The following PIP5K1B variants were observed in gnomAD, a reference collection of about 807,000 sequenced individuals.
PIP5K1B encodes the protein phosphatidylinositol 4-phosphate 5-kinase type-1 beta.
PIP5K1B carries 42 observed loss-of-function variants against 67.0 expected under a neutral mutation model. That is an observed-to-expected ratio of 0.63 (90% CI 0.49 to 0.81). PIP5K1B has a LOEUF of 0.81. PIP5K1B is among the 30% of genes least tolerant of loss of function. The pLI is 0.00. For synonymous variants in PIP5K1B, 214 were observed against 231.4 expected (o/e 0.92, Z 0.68); for missense variants, 459 against 646.3 (o/e 0.71, Z 3.14).
In PIP5K1B at chr9:68,919,723, T is replaced by C; in HGVS notation, c.1110T>C (p.Tyr370=). The stretch of plus-strand genomic sequence containing the variant: ...AACATTCCTGGAAAGCTCTTGTTTA[T>C]GATGGGGTAAGTGACTTATTTTCCT... ...KLEHSWKALV[Y]DGDTVSVHRP... Residue 370 remains tyrosine (Y), a synonymous_variant, in exon 11 of 16, where the codon TAT becomes TAC. Transcript: ENST00000265382. The C allele has an allele frequency of 1.3e-6, 2 of 1,542,166 alleles. No individual in the cohort carries two copies. The highest frequency in any genetic ancestry group is 1.8e-6 in the Non-Finnish European group (2 of 1,116,042).
Position 68,894,625 on chromosome 9 carries a change from A to G in PIP5K1B, c.758A>G (p.Gln253Arg), listed in dbSNP as rs767936882. ...ETYNALMKTL[Q>R]RDCRVLESFK... ...TACAACGCGCTTATGAAAACACTTC[A>G]GAGAGACTGCCGGGTAAGGAAGTTT... Residue 253 changes from glutamine (Q) to arginine (R), a missense_variant, in exon 8 of 16, where the codon CAG becomes CGG. Transcript: ENST00000265382. The G allele has an allele frequency of 6.2e-7, 1 of 1,613,790 alleles. No individual in the cohort carries two copies. Among genetic ancestry groups the G allele is most frequent in the South Asian group, 1.1e-5 (1 of 91,068 alleles).
chr9:69,005,204 C>A (rs1831023311), intron 15 of PIP5K1B, among the ~76,000 whole-genome samples: 1 of 151,466 alleles, frequency 6.6e-6, no homozygotes, highest in Non-Finnish European at 1.5e-5. Flanking sequence ...ATTTTTAATA[C>A]TGAGGAGAGT....
At chr9:68,748,900 C>G (rs984602488) in intron 2 of PIP5K1B, among the ~76,000 whole-genome samples, 4 of 152,100 alleles carry the variant, frequency 2.6e-5, no homozygotes, top group Non-Finnish European at 5.9e-5. Flanking sequence ...GCGTGACCCA[C>G]CGCACTCGGC....
At chr9:68,837,886 TAATG>T (rs1342237575) in intron 4 of PIP5K1B, among the ~76,000 whole-genome samples, 3 of 151,972 alleles carry the variant, frequency 2.0e-5, no homozygotes, top group African/African-American at 7.2e-5. Flanking sequence ...TATATTAAAT[TAATG>T]AATTCAGAAA....
At chr9:68,975,354 C>T (rs952826186) in intron 14 of PIP5K1B, among the ~76,000 whole-genome samples, 1 of 152,234 alleles carries the variant, frequency 6.6e-6, no homozygotes, top group Non-Finnish European at 1.5e-5. Context: ...CAGGCATGAG[C>T]CACTGCACCC....
chr9:69,001,008 G>C (rs1024904215), intron 15 of PIP5K1B, among the ~76,000 whole-genome samples: 3 of 151,524 alleles, frequency 2.0e-5, no homozygotes, highest in Non-Finnish European at 4.4e-5. Context: ...AGTGATTCTC[G>C]TGCCTCAGTC....
At chr9:68,847,245 A>G (rs1281004598) in intron 4 of PIP5K1B, among the ~76,000 whole-genome samples, 1 of 151,640 alleles carries the variant, frequency 6.6e-6, no homozygotes, top group Non-Finnish European at 1.5e-5. Flanking sequence ...GTGGGATGAA[A>G]AAGAAAGGTT....
chr9:68,776,754 TA>T (rs1425432364), intron 2 of PIP5K1B, among the ~76,000 whole-genome samples: 1 of 152,196 alleles, frequency 6.6e-6, no homozygotes, highest in Non-Finnish European at 1.5e-5. Flanking sequence ...GAATCTTGAC[TA>T]AGTGTGGTAT....
chr9:68,714,182 C>T (rs912370561), intron 1 of PIP5K1B, among the ~76,000 whole-genome samples: 2 of 152,154 alleles, frequency 1.3e-5, no homozygotes, highest in African/African-American at 4.8e-5. Context: ...CTTGGATATC[C>T]CAAAGGCACC....
chr9:68,836,628 C>CAT (rs751222777), intron 4 of PIP5K1B, among the ~76,000 whole-genome samples: 1 of 151,380 alleles, frequency 6.6e-6, no homozygotes, highest in Non-Finnish European at 1.5e-5. Flanking sequence ...CATACATCTA[C>CAT]ACACACACAC....
intron 15 of PIP5K1B, among the ~76,000 whole-genome samples, chr9:68,993,225 C>G (rs1413562355): frequency 2.6e-5 from 4 of 152,128 alleles, no homozygotes; most frequent in Admixed American, 2.6e-4. Flanking sequence ...CGACCTGCCC[C>G]CTCCCTGGGT....
chr9:68,975,052 T>C (rs1475267410), intron 14 of PIP5K1B, among the ~76,000 whole-genome samples: 1 of 152,196 alleles, frequency 6.6e-6, no homozygotes, highest in East Asian at 1.9e-4. Context: ...GCCTTGCTTT[T>C]TGTTCTGGGT....
chr9:68,982,830 G>A (rs940008225), intron 14 of PIP5K1B, among the ~76,000 whole-genome samples: 1 of 151,874 alleles, frequency 6.6e-6, no homozygotes, highest in Non-Finnish European at 1.5e-5. Flanking sequence ...GTAGACTATG[G>A]ATGCATTTAT....
chr9:68,930,395 T>C (rs944054824), intron 12 of PIP5K1B, among the ~76,000 whole-genome samples: 1 of 152,102 alleles, frequency 6.6e-6, no homozygotes, highest in Non-Finnish European at 1.5e-5. Flanking sequence ...CCACGTCTTA[T>C]GGAAGACCAC....
chr9:68,849,337 A>G (rs1376664543), intron 4 of PIP5K1B, among the ~76,000 whole-genome samples: 3 of 152,164 alleles, frequency 2.0e-5, no homozygotes, highest in African/African-American at 7.2e-5. Flanking sequence ...TGGGGGAAAA[A>G]AAAGCAAGCT....
intron 12 of PIP5K1B, among the ~76,000 whole-genome samples, chr9:68,930,407 A>G (rs1350160058): frequency 6.6e-6 from 1 of 152,004 alleles, no homozygotes; most frequent in African/African-American, 2.4e-5. Context: ...GAAGACCACC[A>G]CAATCCACCC....
intron 14 of PIP5K1B, among the ~76,000 whole-genome samples, chr9:68,984,048 CT>C (rs1231247147): frequency 6.6e-6 from 1 of 152,192 alleles, no homozygotes; most frequent in Non-Finnish European, 1.5e-5. Context: ...GAGCAATACC[CT>C]GTCTCTAAAA....
chr9:68,836,829 T>G (rs1021078809), intron 4 of PIP5K1B, among the ~76,000 whole-genome samples: 2 of 152,204 alleles, frequency 1.3e-5, no homozygotes, highest in Admixed American at 6.5e-5. Context: ...AGATGCAGCA[T>G]GTCTCAGGCA....
chr9:68,778,007 C>T (rs1240664132), intron 2 of PIP5K1B, among the ~76,000 whole-genome samples: 2 of 152,168 alleles, frequency 1.3e-5, no homozygotes, highest in Non-Finnish European at 2.9e-5. Context: ...TCTGTTGTTG[C>T]CTTGTCTCCC....
Sources: gnomAD v4.1 joint callset for allele counts (sites outside exome capture counted in the v4.1 genomes callset) on GRCh38, gnomAD v4.1.1 for gene constraint, MANE v1.5 for transcripts, NCBI Gene and HGNC (gene_info 2026-07-23, HGNC 2026-07-21) for gene names.